FLT3: variants seen among roughly 807,000 people sequenced by gnomAD.
The protein encoded by FLT3 is fms related receptor tyrosine kinase 3, also known as receptor-type tyrosine-protein kinase FLT3.
In FLT3, 46 loss-of-function variants were observed where a neutral mutation model predicts 126.6. That is an observed-to-expected ratio of 0.36 (90% CI 0.29 to 0.46). The LOEUF (loss-of-function observed/expected upper bound fraction) is 0.46, where lower values mean the gene tolerates loss of function less well. Among genes scored for constraint, FLT3 ranks in the 20% least tolerant of loss-of-function variants. The pLI, the probability that FLT3 is intolerant of heterozygous loss-of-function variation, is 1.00. For synonymous variants in FLT3, 404 were observed against 434.4 expected (o/e 0.93, Z 0.87); for missense variants, 1,069 against 1,190.3 (o/e 0.90, Z 1.50).
At chr13:28,083,054 T>C (rs1878439803) in intron 1 of FLT3, among the ~76,000 whole-genome samples, 1 of 151,146 alleles carries the variant, frequency 6.6e-6, no homozygotes, top group Non-Finnish European at 1.5e-5. Context: ...TTGCCCAGTC[T>C]GGTGTTGGTC....
chr13:28,023,281 A>G (rs1391019167), intron 19 of FLT3, 69 bp downstream of exon 19: 12 of 1,495,796 alleles, frequency 8.0e-6, no homozygotes, highest in Non-Finnish European at 1.1e-5. Context: ...AAAATAAACA[A>G]GAAAACATAT....
intron 21 of FLT3, 151 bp downstream of exon 21, chr13:28,015,439 A>T (rs1871754765): frequency 3.2e-6 from 2 of 629,828 alleles, no homozygotes; most frequent in South Asian, 3.4e-5. Context: ...AGTGAGGAAG[A>T]CAGGCTAAAG....
intron 1 of FLT3, among the ~76,000 whole-genome samples, chr13:28,098,721 G>A (rs971242335): frequency 3.3e-5 from 5 of 151,838 alleles, no homozygotes; most frequent in African/African-American, 1.2e-4. Flanking sequence ...CATGTGCTTC[G>A]TGAACATAAT....
At chr13:28,085,267 C>T (rs555773732) in intron 1 of FLT3, among the ~76,000 whole-genome samples, 152 of 141,366 alleles carry the variant, frequency 1.1e-3, no homozygotes, top group African/African-American at 3.7e-3. Context: ...CTACTTGAGC[C>T]GGGGAGGCAG....
chr13:28,060,468 A>T (rs1445866793), intron 3 of FLT3, among the ~76,000 whole-genome samples: 4 of 92,202 alleles, frequency 4.3e-5, no homozygotes, highest in South Asian at 2.6e-4. Flanking sequence ...AAAATATTTA[A>T]AAAAAAAAAA....
intron 3 of FLT3, among the ~76,000 whole-genome samples, chr13:28,059,568 C>T (rs1415637714): frequency 1.3e-5 from 2 of 152,178 alleles, no homozygotes; most frequent in African/African-American, 4.8e-5. Flanking sequence ...CATAACATTG[C>T]AATTCTGCTT....
At chr13:28,017,131 T>C (rs1339874795) in intron 20 of FLT3, among the ~76,000 whole-genome samples, 1 of 151,350 alleles carries the variant, frequency 6.6e-6, no homozygotes, top group Non-Finnish European at 1.5e-5. Context: ...AATAAATGAA[T>C]TAATATGCAT....
chr13:28,026,885 T>C (rs796886563), intron 17 of FLT3, among the ~76,000 whole-genome samples: 4 of 152,316 alleles, frequency 2.6e-5, no homozygotes, highest in African/African-American at 9.6e-5. Context: ...CTAGCTCAGC[T>C]ATAGTACCTG....
chr13:28,021,904 G>A (rs1283417333), intron 19 of FLT3, among the ~76,000 whole-genome samples: 5 of 151,212 alleles, frequency 3.3e-5, no homozygotes, highest in East Asian at 2.0e-4. Context: ...CACCACACTC[G>A]GCTAATTTTT....
chr13:28,026,313 GCAC>G (rs1195207210), intron 17 of FLT3, among the ~76,000 whole-genome samples: 3 of 133,884 alleles, frequency 2.2e-5, no homozygotes, highest in East Asian at 2.2e-4. Context: ...TCACACCATT[GCAC>G]CACTCCAGCC....
intron 15 of FLT3, among the ~76,000 whole-genome samples, chr13:28,029,642 T>C (rs1873138320): frequency 6.6e-6 from 1 of 152,198 alleles, no homozygotes; most frequent in Non-Finnish European, 1.5e-5. Context: ...GATAACAGTG[T>C]CGTGAGCATG....
chr13:28,024,827 T>C (rs1593227977), intron 18 of FLT3, 34 bp downstream of exon 18: 17 of 1,338,272 alleles, frequency 1.3e-5, no homozygotes, highest in Non-Finnish European at 1.8e-5. Flanking sequence ...TTCATTTCCA[T>C]TTTAAAGTGC....
chr13:28,015,468 TAA>T (rs1287053725), intron 21 of FLT3, 120 bp downstream of exon 21: 1 of 506,168 alleles, frequency 2.0e-6, no homozygotes, highest in African/African-American at 2.1e-5. Flanking sequence ...CAAATAAACA[TAA>T]AGTCATGGGC....
At chr13:28,027,386 T>G (rs1798595945) in intron 16 of FLT3, 145 bp from the exon 17 acceptor site, 1 of 526,062 alleles carries the variant, frequency 1.9e-6, no homozygotes. Flanking sequence ...CTAGCTCTTC[T>G]TATACTTTAA....
At chr13:28,056,933 G>A (rs769978578) in intron 4 of FLT3, among the ~76,000 whole-genome samples, 4 of 152,126 alleles carry the variant, frequency 2.6e-5, no homozygotes, top group Admixed American at 6.6e-5. Flanking sequence ...AATCCTGTGA[G>A]GTACGTATTT....
intron 2 of FLT3, among the ~76,000 whole-genome samples, chr13:28,066,376 C>G (rs1249844814): frequency 6.6e-6 from 1 of 152,210 alleles, no homozygotes; most frequent in Non-Finnish European, 1.5e-5. Context: ...TTCCTAAATA[C>G]TACCCCCCAG....
intron 1 of FLT3, among the ~76,000 whole-genome samples, chr13:28,078,369 C>A (rs1878099895): frequency 6.6e-6 from 1 of 152,210 alleles, no homozygotes; most frequent in East Asian, 1.9e-4. Context: ...TTCTGTGCAC[C>A]CGCATGCTGA....
At chr13:28,007,781 G>A (rs1254164654) in intron 23 of FLT3, among the ~76,000 whole-genome samples, 1 of 152,112 alleles carries the variant, frequency 6.6e-6, no homozygotes, top group Admixed American at 6.5e-5. Context: ...TTGAGGTGAG[G>A]ATTAAGAGTT....
At chr13:28,014,707 A>G in intron 22 of FLT3, 150 bp from the exon 23 acceptor site, 1 of 602,616 alleles carries the variant, frequency 1.7e-6, no homozygotes, top group South Asian at 2.1e-5. Flanking sequence ...CAGATTTTGA[A>G]TTCATATCCG....
Sources: allele counts gnomAD v4.1 joint callset (sites outside exome capture counted in the v4.1 genomes callset), GRCh38; gene constraint gnomAD v4.1.1; transcripts MANE v1.5; gene names NCBI Gene and HGNC (gene_info 2026-07-23, HGNC 2026-07-21).